TENM3: variants seen among roughly 807,000 people sequenced by gnomAD.
TENM3 encodes teneurin-3.
Under a neutral mutation model 255.1 loss-of-function variants are expected in TENM3, and 63 were observed. The ratio of observed to expected loss-of-function variants is 0.25; its 90% CI spans 0.20 to 0.30. TENM3 has a LOEUF of 0.30. Among genes scored for constraint, TENM3 ranks in the 10% least tolerant of loss-of-function variants. The probability of loss-of-function intolerance (pLI) is 1.00; values close to 1 mark genes in which losing one functional copy is unlikely to be tolerated. For missense variants in TENM3, 2,929 were observed against 3,461.1 expected, an observed-to-expected ratio of 0.85 and a Z score of 3.86; for synonymous variants, 1,306 against 1,322.3, an observed-to-expected ratio of 0.99 and a Z score of 0.27.
chr4:182,161,771 A>ATATATACACATATATG (rs1751274788), intron 1 of TENM3, among the ~76,000 whole-genome samples: 1 of 3,136 alleles, frequency 3.2e-4, no homozygotes, highest in Non-Finnish European at 7.1e-4. Context: ...ATATATGTGT[A>ATATATACACATATATG]TATATATATA....
the TENM3 span, among the ~76,000 whole-genome samples, chr4:181,466,117 T>TTCTTTA: frequency 7.9e-5 from 1 of 12,722 alleles, no homozygotes; most frequent in Non-Finnish European, 9.8e-4. Flanking sequence ...GGAATTTTTT[T>TTCTTTA]TTTTGTTTTG....
chr4:182,653,620 G>T, intron 5 of TENM3, 151 bp from the exon 6 acceptor site: 2 of 845,326 alleles, frequency 2.4e-6, no homozygotes, highest in Non-Finnish European at 3.5e-6. Context: ...GGAACTCTTT[G>T]TTTTATAATT....
chr4:181,618,565 A>G, the TENM3 span, among the ~76,000 whole-genome samples: 3 of 152,234 alleles, frequency 2.0e-5, no homozygotes, highest in African/African-American at 7.2e-5. Context: ...AAGGCTTCTA[A>G]GCCAATTTGG....
intron 17 of TENM3, among the ~76,000 whole-genome samples, chr4:182,737,649 T>C (rs1227581830): frequency 1.3e-5 from 2 of 152,174 alleles, no homozygotes; most frequent in African/African-American, 4.8e-5. Context: ...AGAAAGAGAA[T>C]AGGTATATAG....
chr4:182,614,796 G>T (rs1749320430), intron 4 of TENM3, among the ~76,000 whole-genome samples: 1 of 149,052 alleles, frequency 6.7e-6, no homozygotes, highest in Non-Finnish European at 1.5e-5. Flanking sequence ...CTAACAATGA[G>T]AATTCAATGT....
chr4:181,749,059 A>G, the TENM3 span, among the ~76,000 whole-genome samples: 1 of 152,128 alleles, frequency 6.6e-6, no homozygotes, highest in African/African-American at 2.4e-5. Context: ...AGCAAGAAAA[A>G]TGTAATAGTA....
the TENM3 span, among the ~76,000 whole-genome samples, chr4:181,648,822 C>T: frequency 6.6e-6 from 1 of 152,140 alleles, no homozygotes; most frequent in Admixed American, 6.6e-5. Flanking sequence ...GCCAAGACCA[C>T]CCATCAGATG....
At chr4:181,715,205 C>G in the TENM3 span, among the ~76,000 whole-genome samples, 1,745 of 152,274 alleles carry the variant, frequency 0.011, 41 homozygotes, top group African/African-American at 0.04. Flanking sequence ...GTCACCTCAG[C>G]AGTAGAGAAG....
At chr4:181,661,855 G>T in the TENM3 span, among the ~76,000 whole-genome samples, 1 of 150,658 alleles carries the variant, frequency 6.6e-6, no homozygotes, top group African/African-American at 2.4e-5. Context: ...GAGTCCTTTT[G>T]AAAGTCCAAA....
At chr4:181,579,015 C>A in the TENM3 span, among the ~76,000 whole-genome samples, 82 of 152,190 alleles carry the variant, frequency 5.4e-4, no homozygotes, top group East Asian at 0.014. Flanking sequence ...TGTGAGACAG[C>A]GCTCATGAGA....
chr4:182,459,025 A>T (rs1774118834), intron 3 of TENM3, among the ~76,000 whole-genome samples: 1 of 152,152 alleles, frequency 6.6e-6, no homozygotes, highest in South Asian at 2.1e-4. Context: ...ACTTTTTTGA[A>T]ATTGCGTTTA....
the TENM3 span, among the ~76,000 whole-genome samples, chr4:181,476,603 C>T: frequency 8.5e-5 from 13 of 152,212 alleles, no homozygotes; most frequent in Non-Finnish European, 1.6e-4. Flanking sequence ...ATGCAATAAT[C>T]TTAAATTATA....
intron 3 of TENM3, among the ~76,000 whole-genome samples, chr4:182,502,492 T>C (rs947428442): frequency 6.6e-6 from 1 of 152,188 alleles, no homozygotes; most frequent in Non-Finnish European, 1.5e-5. Context: ...TTTTCTTCTT[T>C]CACATTTTCT....
At chr4:182,565,043 C>T (rs1743636142) in intron 3 of TENM3, among the ~76,000 whole-genome samples, 1 of 152,058 alleles carries the variant, frequency 6.6e-6, no homozygotes, top group Admixed American at 6.6e-5. Flanking sequence ...CATTAGTATC[C>T]ATACATTATT....
At chr4:181,949,667 C>G in the TENM3 span, among the ~76,000 whole-genome samples, 1 of 152,200 alleles carries the variant, frequency 6.6e-6, no homozygotes, top group Non-Finnish European at 1.5e-5. Flanking sequence ...CTGCCATTCT[C>G]TACGTATCCC....
chr4:182,212,809 G>A (rs1217049602), intron 1 of TENM3, among the ~76,000 whole-genome samples: 1 of 152,198 alleles, frequency 6.6e-6, no homozygotes, highest in Non-Finnish European at 1.5e-5. Flanking sequence ...TGGTGCAAAA[G>A]ATCACTGGTC....
At chr4:182,037,145 C>CTTTTTTTTTTTTTTTT in the TENM3 span, among the ~76,000 whole-genome samples, 1 of 114,936 alleles carries the variant, frequency 8.7e-6, no homozygotes, top group African/African-American at 2.6e-5. Flanking sequence ...ATCCAAACTC[C>CTTTTTTTTTTTTTTTT]TTTTATTTTT....
chr4:181,759,507 A>C, the TENM3 span, among the ~76,000 whole-genome samples: 1 of 152,194 alleles, frequency 6.6e-6, no homozygotes, highest in African/African-American at 2.4e-5. Context: ...ATAGAACAAA[A>C]GGAGTATTAT....
At position 182,337,635 on chromosome 4, in the gene TENM3, T is replaced by G. The variant is rs185659589; in HGVS notation, c.233-9016T>G. 2.4e-3 allele frequency among the ~76,000 whole-genome samples: 362 copies of G among 152,292 alleles called. 2 individuals carry two copies. The highest frequency in any genetic ancestry group is 8.5e-3 in the African/African-American group (353 of 41,560). On this transcript the variant is annotated intron_variant, in intron 2 of 27. Transcript: ENST00000511685. Reference sequence around the variant, plus strand: ...TGTTGGGCAATTTCTTATATAAAGTTAAAAATAACATCTCCCACTGGACCC... The same window carrying G: ...TGTTGGGCAATTTCTTATATAAAGTGAAAAATAACATCTCCCACTGGACCC...
Sources: allele counts gnomAD v4.1 joint callset (sites outside exome capture counted in the v4.1 genomes callset), GRCh38; gene constraint gnomAD v4.1.1; transcripts MANE v1.5; gene names NCBI Gene and HGNC (gene_info 2026-07-23, HGNC 2026-07-21).